Variants in REV3L observed in about 807,000 individuals in gnomAD.
The protein encoded by REV3L is DNA polymerase zeta catalytic subunit.
Under a neutral mutation model 299.4 loss-of-function variants are expected in REV3L, and 69 were observed. That is an observed-to-expected ratio of 0.23 (90% CI 0.19 to 0.28). The LOEUF (loss-of-function observed/expected upper bound fraction) is 0.28, where lower values mean the gene tolerates loss of function less well. REV3L is among the 10% of genes least tolerant of loss of function. The pLI, the probability that REV3L is intolerant of heterozygous loss-of-function variation, is 1.00. For synonymous variants in REV3L, 1,238 were observed against 1,271.4 expected (o/e 0.97, Z 0.56); for missense variants, 3,128 against 3,693.8 (o/e 0.85, Z 3.97).
At chr6:111,438,006 C>T (rs1397897160) in intron 1 of REV3L, among the ~76,000 whole-genome samples, 1 of 143,514 alleles carries the variant, frequency 7.0e-6, no homozygotes, top group Non-Finnish European at 1.6e-5. Context: ...GTATGTGACA[C>T]CTGCCTAATT....
At chr6:111,398,748 T>G (rs1562252763) in intron 4 of REV3L, among the ~76,000 whole-genome samples, 1 of 152,038 alleles carries the variant, frequency 6.6e-6, no homozygotes, top group Non-Finnish European at 1.5e-5. Context: ...CATGATAAAA[T>G]AAAATAAAAA....
chr6:111,357,402 CAT>C (rs1778200573), intron 17 of REV3L, among the ~76,000 whole-genome samples: 1 of 152,086 alleles, frequency 6.6e-6, no homozygotes, highest in Non-Finnish European at 1.5e-5. Flanking sequence ...TAGAAAATAA[CAT>C]ATCACTGGCT....
Position 111,299,117 on chromosome 6 carries a change from C to T in REV3L, c.*899G>A, listed in dbSNP as rs1771188377. On this transcript the variant is annotated 3_prime_UTR_variant, in exon 32 of 32. Coordinates refer to ENST00000368802, the MANE Select transcript of REV3L (RefSeq NM_001372078.1). ...ATGATTTCCAGTTTAAAAAACAATG[C>T]ACTGACCACATAATTCCTTTTTTAT... 1 of 152,360 alleles carries T rather than the reference C, an allele frequency of 6.6e-6. No individual in the cohort carries two copies. Among genetic ancestry groups the T allele is most frequent in the African/African-American group, 2.4e-5 (1 of 41,396 alleles). The allele number at this position is 152,360 out of a possible 1,614,324, so 9.4% of individuals were successfully genotyped here.
At chr6:111,434,931 T>C (rs149353062) in intron 1 of REV3L, among the ~76,000 whole-genome samples, 15 of 152,160 alleles carry the variant, frequency 9.9e-5, no homozygotes, top group African/African-American at 3.1e-4. Flanking sequence ...TTCTGGCTAA[T>C]GTGGTAACTC....
At chr6:111,384,018 G>C (rs189310263) in intron 9 of REV3L, among the ~76,000 whole-genome samples, 25 of 152,228 alleles carry the variant, frequency 1.6e-4, no homozygotes, top group African/African-American at 6.0e-4. Context: ...CAATTTCTTC[G>C]ATAAATGGTG....
At chr6:111,352,138 C>T (rs1777633806) in intron 18 of REV3L, among the ~76,000 whole-genome samples, 2 of 151,956 alleles carry the variant, frequency 1.3e-5, no homozygotes, top group South Asian at 4.2e-4. Flanking sequence ...TCCTGAGTAG[C>T]TGGGATTACA....
Position 111,422,564 on chromosome 6 carries a change from T to TTA in REV3L, c.140-6094_140-6093dup, listed in dbSNP as rs1367417064. 7.2e-5 allele frequency among the ~76,000 whole-genome samples: 7 copies of TTA among 97,232 alleles called. 1 individual carries two copies. The highest frequency in any genetic ancestry group is 1.2e-4 in the African/African-American group (4 of 33,980). The allele number at this position is 97,232 out of a possible 152,430, so 63.8% of individuals were successfully genotyped here. A position where few individuals can be genotyped will look rare whatever the true frequency, so the allele number is the denominator to read the frequency against. On this transcript the variant is annotated intron_variant, in intron 1 of 31. Coordinates refer to ENST00000368802, the MANE Select transcript of REV3L (RefSeq NM_001372078.1). ...TTTTATATATATATGGGTGATTCTT[T>TTA]TATATATATATACACATATATATAT...
intron 25 of REV3L, among the ~76,000 whole-genome samples, chr6:111,326,609 C>CG (rs1774846242): frequency 6.7e-6 from 1 of 148,158 alleles, no homozygotes; most frequent in Non-Finnish European, 1.5e-5. Context: ...GTATATACCC[C>CG]CCCCAAAAAA....
In REV3L at chr6:111,393,027, C is replaced by CT. The variant is rs1248513680; in HGVS notation, c.566-56dup. 11 of 1,286,648 alleles carry CT rather than the reference C, an allele frequency of 8.5e-6. No individual in the cohort carries two copies. The East Asian group carries it at 2.7e-4, about 32-fold the overall frequency. 79.7% of individuals were successfully genotyped at this position (1,286,648 alleles called of 1,614,324 possible). ...TCTACTTTCAATTTTCATATAATTA[C>CT]TTTTTAGAAGGTAAATTTTTTTTTT... is the stretch of plus-strand genomic sequence containing the variant. On this transcript the variant is annotated intron_variant, in intron 4 of 31. Coordinates refer to ENST00000368802, the MANE Select transcript of REV3L (RefSeq NM_001372078.1).
At chr6:111,362,472 G>T (rs944586084) in intron 16 of REV3L, among the ~76,000 whole-genome samples, 1 of 151,990 alleles carries the variant, frequency 6.6e-6, no homozygotes, top group Non-Finnish European at 1.5e-5. Flanking sequence ...AAGACATAAA[G>T]TGACTGTATA....
intron 31 of REV3L, among the ~76,000 whole-genome samples, chr6:111,304,943 T>C (rs932167933): frequency 1.6e-5 from 2 of 127,772 alleles, no homozygotes; most frequent in Admixed American, 7.5e-5. Context: ...TTCTTTGTTC[T>C]TTTTTTTTTT....
intron 1 of REV3L, among the ~76,000 whole-genome samples, chr6:111,477,951 C>A (rs1297068309): frequency 2.0e-5 from 3 of 152,148 alleles, no homozygotes; most frequent in Admixed American, 2.0e-4. Flanking sequence ...ATTCAAAAGA[C>A]AACCAGATTT....
At chr6:111,411,420 T>A in intron 3 of REV3L, 60 bp downstream of exon 3, 1 of 1,130,320 alleles carries the variant, frequency 8.8e-7, no homozygotes, top group Non-Finnish European at 1.3e-6. Context: ...CTAGATTTTT[T>A]TTATTATTAA....
chr6:111,306,475 G>A (rs1232346125), intron 31 of REV3L, among the ~76,000 whole-genome samples: 8 of 152,110 alleles, frequency 5.3e-5, no homozygotes, highest in East Asian at 1.9e-4. Context: ...TGGGGGGTGC[G>A]AGGTGGCAAA....
intron 15 of REV3L, among the ~76,000 whole-genome samples, chr6:111,364,363 T>G (rs1272143677): frequency 3.9e-5 from 6 of 152,152 alleles, no homozygotes; most frequent in Non-Finnish European, 7.4e-5. Flanking sequence ...TGTAAAAGAT[T>G]TGAAATACTG....
chr6:111,479,176 T>C (rs148054978), intron 1 of REV3L, among the ~76,000 whole-genome samples: 5 of 152,352 alleles, frequency 3.3e-5, no homozygotes, highest in Middle Eastern at 3.4e-3. Flanking sequence ...GTCACACCTA[T>C]ATTCAAATCT....
At chr6:111,431,056 C>G in intron 1 of REV3L, 1 of 1,519,108 alleles carries the variant, frequency 6.6e-7, no homozygotes, top group Non-Finnish European at 9.1e-7. Context: ...TTCTTATGCA[C>G]CGCATTATGA....
At chr6:111,351,528 C>A in intron 19 of REV3L, 148 bp downstream of exon 19, 1 of 492,496 alleles carries the variant, frequency 2.0e-6, no homozygotes, top group South Asian at 3.7e-5. Context: ...TTAATTTTTT[C>A]TACAATGGAG....
At chr6:111,410,809 T>A (rs1273143329) in intron 3 of REV3L, among the ~76,000 whole-genome samples, 1 of 152,068 alleles carries the variant, frequency 6.6e-6, no homozygotes, top group Non-Finnish European at 1.5e-5. Context: ...TGGAACCCAG[T>A]ACCTACTAGC....
Sources: allele counts gnomAD v4.1 joint callset (sites outside exome capture counted in the v4.1 genomes callset), GRCh38; gene constraint gnomAD v4.1.1; transcripts MANE v1.5; gene names NCBI Gene and HGNC (gene_info 2026-07-23, HGNC 2026-07-21).